KIAA1328: variants seen among roughly 807,000 people sequenced by gnomAD.
KIAA1328 encodes the protein KIAA1328, also known as protein hinderin.
In KIAA1328, 52 loss-of-function variants were observed where a neutral mutation model predicts 68.1. That is an observed-to-expected ratio of 0.76 (90% confidence interval 0.61 to 0.96). The LOEUF (loss-of-function observed/expected upper bound fraction) is 0.96. Ranked by LOEUF, KIAA1328 falls within the 40% of genes least tolerant of loss-of-function variation. The pLI, the probability that KIAA1328 is intolerant of heterozygous loss-of-function variation, is 0.00. For missense variants in KIAA1328, 641 were observed against 677.6 expected (o/e 0.95, Z 0.60); for synonymous variants, 232 against 239.4 (o/e 0.97, Z 0.28).
At chr18:37,030,680 T>TTTTA (rs909272637) in intron 6 of KIAA1328, among the ~76,000 whole-genome samples, 7 of 152,146 alleles carry the variant, frequency 4.6e-5, no homozygotes, top group Admixed American at 6.5e-5. Flanking sequence ...TTTTCTTTCT[T>TTTTA]TTTATTTATT....
chr18:36,907,908 A>G (rs1168215848), intron 5 of KIAA1328, among the ~76,000 whole-genome samples: 1 of 152,126 alleles, frequency 6.6e-6, no homozygotes, highest in East Asian at 1.9e-4. Context: ...TAATGGAAGC[A>G]TTTTTAACTA....
intron 6 of KIAA1328, among the ~76,000 whole-genome samples, chr18:37,008,043 A>C (rs911883044): frequency 1.9e-4 from 29 of 152,230 alleles, no homozygotes; most frequent in Non-Finnish European, 3.4e-4. Context: ...ACAGGAACCA[A>C]GTAAATGAGC....
chr18:37,173,169 G>T (rs1161946082), intron 9 of KIAA1328, 88 bp downstream of exon 9: 2 of 961,176 alleles, frequency 2.1e-6, no homozygotes, highest in African/African-American at 1.7e-5. Context: ...GAAAAATCTT[G>T]ACAACTCTTA....
Position 37,066,978 on chromosome 18 carries a change from A to G in KIAA1328, c.665A>G (p.Gln222Arg). Residue 222 changes from glutamine to arginine, a missense_variant, in exon 7 of 10, where the codon CAA (glutamine) becomes CGA (arginine). Gln to Arg is a conservative substitution (Grantham distance 43). Transcript: ENST00000280020. ...ATAGCCAGACCACAGACCTACTATC[A>G]AACCAAGCAAAGACCTAAGTCTGCA... is the stretch of plus-strand genomic sequence containing the variant. Reference protein sequence around the residue: ...LSIARPQTYYQTKQRPKSAVQ... With the variant: ...LSIARPQTYYRTKQRPKSAVQ... 1 of 1,613,568 alleles carries G rather than the reference A, an allele frequency of 6.2e-7. No individual in the cohort carries two copies.
chr18:36,872,792 A>G (rs957887798), intron 4 of KIAA1328, among the ~76,000 whole-genome samples: 1 of 152,206 alleles, frequency 6.6e-6, no homozygotes, highest in Admixed American at 6.5e-5. Flanking sequence ...TCTGATGAGG[A>G]ATTTAAAATA....
Position 37,223,962 on chromosome 18 carries a change from T to A in KIAA1328, c.*1735T>A. The A allele has an allele frequency of 3.0e-6, 3 of 985,356 alleles. No individual in the cohort carries two copies. Among genetic ancestry groups the A allele is most frequent in the Non-Finnish European group, 3.6e-6 (3 of 829,852 alleles). The allele number at this position is 985,356 out of a possible 1,614,324, so 61.0% of individuals were successfully genotyped here. A position where few individuals can be genotyped will look rare whatever the true frequency, so the allele number is the denominator to read the frequency against. ...TGGAAAATCATTACAGATTAAAATT[T>A]CTTTATAAAGTTCACCTCTGAGAGT... On this transcript the variant is annotated 3_prime_UTR_variant, in exon 10 of 10. Transcript: ENST00000280020.
chr18:37,223,445 T>G lies in KIAA1328; in HGVS notation c.*1218T>G. The G allele has an allele frequency of 5.1e-6, 5 of 985,400 alleles. No individual in the cohort carries two copies. Among genetic ancestry groups the G allele is most frequent in the Non-Finnish European group, 6.0e-6 (5 of 829,940 alleles). The allele number at this position is 985,400 out of a possible 1,614,324, so 61.0% of individuals were successfully genotyped here. On this transcript the variant is annotated 3_prime_UTR_variant, in exon 10 of 10. Coordinates refer to ENST00000280020, the MANE Select transcript of KIAA1328 (RefSeq NM_020776.3). ...GGTCCCTAGTAGCCTCTCAAGCTAA[T>G]GGGGATGATGATCCTGGTTTAGCCA...
chr18:37,097,568 G>C (rs1180652232), intron 7 of KIAA1328, among the ~76,000 whole-genome samples: 2 of 152,238 alleles, frequency 1.3e-5, no homozygotes, highest in Admixed American at 6.5e-5. Flanking sequence ...CTCTTTTTTG[G>C]TTCCGTATGA....
At chr18:36,849,490 G>A (rs2047142438) in intron 4 of KIAA1328, among the ~76,000 whole-genome samples, 1 of 151,896 alleles carries the variant, frequency 6.6e-6, no homozygotes, top group African/African-American at 2.4e-5. Flanking sequence ...GCTGACTCTG[G>A]TTATTCTATA....
intron 7 of KIAA1328, among the ~76,000 whole-genome samples, chr18:37,151,946 G>T (rs1021776377): frequency 1.3e-5 from 2 of 151,952 alleles, no homozygotes; most frequent in Non-Finnish European, 2.9e-5. Context: ...TATCTATGTG[G>T]AGTTTGGCCT....
intron 4 of KIAA1328, among the ~76,000 whole-genome samples, chr18:36,873,186 CT>C (rs1441755616): frequency 1.3e-5 from 2 of 152,148 alleles, no homozygotes; most frequent in African/African-American, 2.4e-5. Context: ...TCTCTTTCTT[CT>C]CCCAGTTTAC....
intron 7 of KIAA1328, among the ~76,000 whole-genome samples, chr18:37,101,796 C>G (rs577550730): frequency 6.6e-6 from 1 of 152,146 alleles, no homozygotes; most frequent in African/African-American, 2.4e-5. Flanking sequence ...AAAGGGAAAC[C>G]CATCAGACTA....
chr18:37,174,543 C>G (rs184461532), intron 9 of KIAA1328, among the ~76,000 whole-genome samples: 2 of 150,362 alleles, frequency 1.3e-5, no homozygotes, highest in East Asian at 3.9e-4. Context: ...CCACCACACC[C>G]GGCTAATTTT....
intron 1 of KIAA1328, among the ~76,000 whole-genome samples, chr18:36,831,190 G>GA (rs1356000373): frequency 6.6e-6 from 1 of 152,074 alleles, no homozygotes; most frequent in Non-Finnish European, 1.5e-5. Context: ...TCACACTATT[G>GA]AAAAAAGATT....
At chr18:36,860,304 A>C (rs147381093) in intron 4 of KIAA1328, among the ~76,000 whole-genome samples, 9 of 152,124 alleles carry the variant, frequency 5.9e-5, no homozygotes, top group Non-Finnish European at 1.2e-4. Flanking sequence ...ATTATATTCA[A>C]ATCTTCTATT....
intron 4 of KIAA1328, among the ~76,000 whole-genome samples, chr18:36,865,896 C>T (rs1006197063): frequency 1.3e-5 from 2 of 152,156 alleles, no homozygotes; most frequent in Non-Finnish European, 2.9e-5. Context: ...ACTCTGCCTG[C>T]TGGTCTGCTC....
intron 7 of KIAA1328, among the ~76,000 whole-genome samples, chr18:37,114,137 C>T (rs1478046325): frequency 6.6e-6 from 1 of 152,196 alleles, no homozygotes; most frequent in Non-Finnish European, 1.5e-5. Flanking sequence ...AGGAATTGAA[C>T]TCAGCTCTGC....
At chr18:36,934,618 T>C (rs909925056) in intron 5 of KIAA1328, among the ~76,000 whole-genome samples, 2 of 152,202 alleles carry the variant, frequency 1.3e-5, no homozygotes, top group Admixed American at 6.5e-5. Flanking sequence ...ATTTCATCCA[T>C]GTCCATTTGG....
chr18:36,889,090 G>A (rs1302578051), intron 5 of KIAA1328, among the ~76,000 whole-genome samples: 3 of 152,112 alleles, frequency 2.0e-5, no homozygotes, highest in African/African-American at 7.2e-5. Flanking sequence ...GCCTGTTGAA[G>A]GGTTTCTTCT....
Sources: allele counts gnomAD v4.1 joint callset (sites outside exome capture counted in the v4.1 genomes callset), GRCh38; gene constraint gnomAD v4.1.1; transcripts MANE v1.5; gene names NCBI Gene and HGNC (gene_info 2026-07-23, HGNC 2026-07-21).